NCR2: variants seen among roughly 807,000 people sequenced by gnomAD.
NCR2 encodes natural cytotoxicity triggering receptor 2, also known as NK cell activating receptor (NKp44).
A neutral mutation model predicts 30.7 loss-of-function variants in NCR2; 35 were observed. That is an observed-to-expected ratio of 1.14 (90% CI 0.87 to 1.51). NCR2 has a LOEUF of 1.51. Among genes scored for constraint, NCR2 ranks in the 40% most tolerant of loss-of-function variants. The probability of loss-of-function intolerance (pLI) is 0.00; values close to 1 mark genes in which losing one functional copy is unlikely to be tolerated. For synonymous variants in NCR2, 146 were observed against 134.8 expected, an observed-to-expected ratio of 1.08 and a Z score of -0.58; for missense variants, 316 against 328.9, an observed-to-expected ratio of 0.96 and a Z score of 0.30.
chr6:41,337,734 A>G lies in NCR2; in HGVS notation c.394+1306A>G, dbSNP rs550455105. Among the ~76,000 whole-genome samples, 5 of 152,362 alleles carry G rather than the reference A, an allele frequency of 3.3e-5. No homozygotes were observed. The South Asian group carries it at 6.2e-4, about 19-fold the overall frequency. ...CAATTCCGACAAGCTCAACAGTTTT[A>G]TATTTAACTTTTACAAAAGGAAGCA... On this transcript the variant is annotated intron_variant, in intron 2 of 4. Transcript: ENST00000373089.
At chr6:41,346,368 CT>C (rs1424810698) in intron 4 of NCR2, among the ~76,000 whole-genome samples, 2 of 152,116 alleles carry the variant, frequency 1.3e-5, no homozygotes, top group Non-Finnish European at 2.9e-5. Context: ...CCACCACCCC[CT>C]ACCTCAGTCC....
chr6:41,336,837 T>C (rs559211174), intron 2 of NCR2, among the ~76,000 whole-genome samples: 32 of 152,144 alleles, frequency 2.1e-4, no homozygotes, highest in East Asian at 1.7e-3. Flanking sequence ...GTATCCCTCA[T>C]AGTCCAGATC....
At chr6:41,347,085 C>T (rs774746347) in intron 4 of NCR2, among the ~76,000 whole-genome samples, 113 of 152,266 alleles carry the variant, frequency 7.4e-4, no homozygotes, top group Non-Finnish European at 1.1e-3. Flanking sequence ...CATGGAGGTG[C>T]GTACTTGTGG....
chr6:41,335,792 C>A lies in NCR2; in HGVS notation c.-85C>A. Reference sequence around the variant, plus strand: ...TTTTCTATCAGACGTGCTGGAAGAGCAGCAGAATCAGGCCCAGCTCCCAAT... The same window carrying A: ...TTTTCTATCAGACGTGCTGGAAGAGAAGCAGAATCAGGCCCAGCTCCCAAT... On this transcript the variant is annotated 5_prime_UTR_variant, in exon 1 of 5. Transcript: ENST00000373089. 2 of 1,405,092 alleles carry A rather than the reference C, an allele frequency of 1.4e-6. No homozygotes were observed. Among genetic ancestry groups the A allele is most frequent in the Non-Finnish European group, 2.0e-6 (2 of 1,013,292 alleles). 87.0% of individuals were successfully genotyped at this position (1,405,092 alleles called of 1,614,324 possible).
intron 4 of NCR2, chr6:41,342,971 C>T (rs1052018018): frequency 6.4e-6 from 10 of 1,550,502 alleles, no homozygotes; most frequent in Non-Finnish European, 8.7e-6. Context: ...CTGCACCCAG[C>T]TCAGCCCAGG....
At chr6:41,336,479 G>C (rs55943657) in intron 2 of NCR2, 51 bp downstream of exon 2, 10 of 1,486,784 alleles carry the variant, frequency 6.7e-6, no homozygotes, top group Non-Finnish European at 9.3e-6. Context: ...CCCCCTTTTG[G>C]TGCCTCCATC....
At chr6:41,347,393 G>A (rs1203351465) in intron 4 of NCR2, among the ~76,000 whole-genome samples, 2 of 152,150 alleles carry the variant, frequency 1.3e-5, no homozygotes, top group Non-Finnish European at 1.5e-5. Context: ...GCCCATGAAA[G>A]GACTGGCTGC....
intron 2 of NCR2, among the ~76,000 whole-genome samples, chr6:41,337,847 T>C (rs935935234): frequency 6.6e-6 from 1 of 152,234 alleles, no homozygotes; most frequent in African/African-American, 2.4e-5. Flanking sequence ...GTTTAAATTA[T>C]CTTTCGATGG....
chr6:41,336,989 T>C (rs999562659), intron 2 of NCR2, among the ~76,000 whole-genome samples: 1 of 152,192 alleles, frequency 6.6e-6, no homozygotes, highest in African/African-American at 2.4e-5. Context: ...GCCCACTCAA[T>C]TACCTATTGT....
chr6:41,341,272 C>T (rs1769160810), intron 2 of NCR2, among the ~76,000 whole-genome samples: 1 of 152,136 alleles, frequency 6.6e-6, no homozygotes, highest in Admixed American at 6.5e-5. Context: ...TGGTGCGCAG[C>T]CGGTTCACAG....
intron 4 of NCR2, among the ~76,000 whole-genome samples, chr6:41,349,898 T>G (rs1397273630): frequency 6.6e-6 from 1 of 152,178 alleles, no homozygotes; most frequent in Non-Finnish European, 1.5e-5. Context: ...AGCTCCCTCA[T>G]GTTGAATAAT....
chr6:41,350,673 T>G lies in NCR2; in HGVS notation c.645-5T>G, dbSNP rs767401288. 11 of 1,612,168 alleles carry G rather than the reference T, an allele frequency of 6.8e-6. No homozygotes were observed. The highest frequency in any genetic ancestry group is 1.1e-5 in the South Asian group (1 of 90,716). On this transcript the variant is annotated splice_region_variant and splice_polypyrimidine_tract_variant and intron_variant, in intron 4 of 4. Transcript: ENST00000373089. ...CACCTTCCTGGTTTCCTGCTCTGATTGCAGGGGGGACATATGGTGGAAAAC... is the reference window on the plus strand; with the variant it reads ...CACCTTCCTGGTTTCCTGCTCTGATGGCAGGGGGGACATATGGTGGAAAAC...
At position 41,336,345 on chromosome 6, in the gene NCR2, C is replaced by T. The variant is rs756967474; in HGVS notation, c.311C>T (p.Ser104Leu). Residue 104 changes from serine to leucine, a missense_variant, in exon 2 of 5, where the codon TCA (serine) becomes TTA (leucine). By Grantham distance (145) the Ser-to-Leu change is moderately radical. Transcript: ENST00000373089. ...VTMTDLREED[S>L]GHYWCRIYRP... ...ATGACTGATCTGAGAGAGGAAGACT[C>T]AGGACATTACTGGTGTAGAATCTAC... 1.9e-6 allele frequency: 3 copies of T among 1,614,078 alleles called. No individual in the cohort carries two copies. The highest frequency in any genetic ancestry group is 3.3e-5 in the Admixed American group (2 of 60,024).
chr6:41,336,493 C>T (rs1769035153), intron 2 of NCR2, 65 bp downstream of exon 2: 1 of 1,398,684 alleles, frequency 7.1e-7, no homozygotes, highest in South Asian at 1.3e-5. Context: ...CTCCATCACC[C>T]CTGGTTTCCC....
chr6:41,347,246 A>G (rs71558738), intron 4 of NCR2, among the ~76,000 whole-genome samples: 15,016 of 152,086 alleles, frequency 0.099, 875 homozygotes, highest in Middle Eastern at 0.23. Context: ...TCCAGGAGCC[A>G]CCCCTCTCTC....
chr6:41,341,724 C>G (rs932889504), intron 2 of NCR2, 70 bp from the exon 3 acceptor site: 5 of 1,532,222 alleles, frequency 3.3e-6, no homozygotes, highest in Non-Finnish European at 4.4e-6. Flanking sequence ...CTCCCCCATC[C>G]AGCTCTCCTG....
intron 4 of NCR2, among the ~76,000 whole-genome samples, chr6:41,347,220 G>A (rs2008640): frequency 0.72 from 108,925 of 151,944 alleles, 39,854 homozygotes; most frequent in East Asian, 0.86. Context: ...GTCTAAAATA[G>A]AAAAAGGAAT....
chr6:41,343,081 A>G, intron 4 of NCR2: 1 of 1,404,770 alleles, frequency 7.1e-7, no homozygotes, highest in Non-Finnish European at 9.8e-7. Flanking sequence ...CTGACTTCTG[A>G]CCTCTGCTGT....
At chr6:41,343,666 G>C (rs926919631) in intron 4 of NCR2, among the ~76,000 whole-genome samples, 18 of 152,204 alleles carry the variant, frequency 1.2e-4, no homozygotes, top group African/African-American at 4.1e-4. Flanking sequence ...GGAACAAAAA[G>C]AAATTGGTCA....
Sources: gnomAD v4.1 joint callset for allele counts (sites outside exome capture counted in the v4.1 genomes callset) on GRCh38, gnomAD v4.1.1 for gene constraint, MANE v1.5 for transcripts, NCBI Gene and HGNC (gene_info 2026-07-23, HGNC 2026-07-21) for gene names.